The following IGFL2 variants were observed in gnomAD, a reference collection of about 807,000 sequenced individuals.
The protein encoded by IGFL2 is IGF like family member 2.
In IGFL2, 7 loss-of-function variants were observed where a neutral mutation model predicts 13.9. That is an observed-to-expected ratio of 0.51 (90% CI 0.29 to 0.95). The LOEUF is 0.95. Ranked by LOEUF, IGFL2 falls within the 40% of genes least tolerant of loss-of-function variation. IGFL2 has a pLI of 0.08. For missense variants in IGFL2, 138 were observed against 147.8 expected, an observed-to-expected ratio of 0.93 and a Z score of 0.34; for synonymous variants, 55 against 55.8, an observed-to-expected ratio of 0.99 and a Z score of 0.07.
chr19:46,186,598 G>T, the IGFL2 span, among the ~76,000 whole-genome samples: 2 of 152,142 alleles, frequency 1.3e-5, no homozygotes, highest in Non-Finnish European at 2.9e-5. Context: ...ATCACATCCC[G>T]TTTCTCCTAG....
the IGFL2 span, among the ~76,000 whole-genome samples, chr19:46,122,555 A>G: frequency 6.6e-6 from 1 of 151,198 alleles, no homozygotes; most frequent in South Asian, 2.1e-4. Flanking sequence ...TTAGAAAATG[A>G]CAGATTTTTT....
chr19:46,160,958 A>T (rs1974136773), intron 3 of IGFL2, 77 bp downstream of exon 3: 13 of 1,568,940 alleles, frequency 8.3e-6, no homozygotes, highest in Non-Finnish European at 1.1e-5. Context: ...TGTCTTCATC[A>T]CTCCTTTTGA....
chr19:46,120,335 G>C, the IGFL2 span: 1 of 1,610,868 alleles, frequency 6.2e-7, no homozygotes, highest in South Asian at 1.1e-5. Context: ...GGTTTTTATG[G>C]GTACAGGACG....
the IGFL2 span, chr19:46,189,856 A>G: frequency 6.8e-6 from 1 of 147,910 alleles, no homozygotes; most frequent in Non-Finnish European, 1.5e-5. Flanking sequence ...TTCTTATTTT[A>G]TATGTTTTCT....
rs1974131357 is a variant in IGFL2, at chr19:46,160,891, C to T, written c.341+10C>T. The T allele has an allele frequency of 1.9e-6, 3 of 1,612,180 alleles. No homozygotes were observed. The African/African-American group carries it at 4.0e-5, about 22-fold the overall frequency. On this transcript the variant is annotated intron_variant, in intron 3 of 3. Transcript: ENST00000377693. Reference sequence around the variant, plus strand: ...CCAGTAAATGTGAAAGGTAGGGACCCCGTCCCTGGCCAGGGGGTCGGGGGA... The same window carrying T: ...CCAGTAAATGTGAAAGGTAGGGACCTCGTCCCTGGCCAGGGGGTCGGGGGA...
chr19:46,107,134 G>T, the IGFL2 span, among the ~76,000 whole-genome samples: 2,016 of 152,230 alleles, frequency 0.013, 31 homozygotes, highest in Middle Eastern at 0.027. Flanking sequence ...CAGCCTGGCC[G>T]TCAATACCCA....
chr19:46,204,943 A>AT, the IGFL2 span: 65,970 of 141,206 alleles, frequency 0.47, 15,927 homozygotes, highest in Non-Finnish European at 0.56. Flanking sequence ...ACACTCAGGT[A>AT]TTTTTTTTTT....
the IGFL2 span, chr19:46,213,456 GC>G: frequency 6.5e-6 from 1 of 154,242 alleles, no homozygotes; most frequent in Admixed American, 6.5e-5. Context: ...CCGCCCCAGA[GC>G]AATGGCTCCC....
At chr19:46,135,720 G>T in the IGFL2 span, among the ~76,000 whole-genome samples, 1 of 152,186 alleles carries the variant, frequency 6.6e-6, no homozygotes, top group Non-Finnish European at 1.5e-5. Flanking sequence ...TTCCTGGACA[G>T]GCTTGCAGCC....
chr19:46,215,114 A>G, the IGFL2 span, among the ~76,000 whole-genome samples: 1 of 152,084 alleles, frequency 6.6e-6, no homozygotes, highest in Admixed American at 6.5e-5. Context: ...ACACCCTCCT[A>G]GGAGTCACTT....
At chr19:46,154,928 C>A (rs1347510648) in intron 1 of IGFL2, among the ~76,000 whole-genome samples, 1 of 152,168 alleles carries the variant, frequency 6.6e-6, no homozygotes, top group African/African-American at 2.4e-5. Context: ...GCCTCCCTCT[C>A]CCCCGGGCAG....
At chr19:46,082,665 C>T in the IGFL2 span, among the ~76,000 whole-genome samples, 6 of 151,294 alleles carry the variant, frequency 4.0e-5, no homozygotes, top group South Asian at 6.3e-4. Context: ...CACTCTGTCA[C>T]GCAGCTGGAG....
intron 1 of IGFL2, among the ~76,000 whole-genome samples, chr19:46,157,177 C>T (rs11668196): frequency 0.63 from 95,750 of 151,934 alleles, 30,989 homozygotes; most frequent in African/African-American, 0.7. Context: ...ATGGTTGCAC[C>T]TGAGAATCTA....
At chr19:46,214,719 C>T in the IGFL2 span, 2 of 152,410 alleles carry the variant, frequency 1.3e-5, no homozygotes, top group African/African-American at 4.8e-5. Flanking sequence ...TGGGGAGAGT[C>T]CCTGTCTCCT....
At chr19:46,161,440 T>G, downstream of IGFL2, 1 of 216,078 alleles carries the variant, frequency 4.6e-6, no homozygotes, top group Non-Finnish European at 9.2e-6. Context: ...TTAAGTACAC[T>G]ATTATTGTGT....
the IGFL2 span, among the ~76,000 whole-genome samples, chr19:46,130,801 T>C: frequency 8.5e-5 from 13 of 152,200 alleles, no homozygotes; most frequent in African/African-American, 3.1e-4. Flanking sequence ...TGCTTCCTTC[T>C]TATTAATTTA....
At chr19:46,175,838 G>A in the IGFL2 span, among the ~76,000 whole-genome samples, 8 of 119,666 alleles carry the variant, frequency 6.7e-5, no homozygotes, top group African/African-American at 1.6e-4. Context: ...ACCGTGCCTG[G>A]CACTATTTTT....
chr19:46,081,066 A>G, the IGFL2 span, among the ~76,000 whole-genome samples: 2 of 152,108 alleles, frequency 1.3e-5, no homozygotes, highest in Admixed American at 1.3e-4. Context: ...TGATAGTGCA[A>G]CTGTCTGTGT....
At chr19:46,160,976 T>C in intron 3 of IGFL2, 94 bp from the exon 4 acceptor site, 1 of 1,547,164 alleles carries the variant, frequency 6.5e-7, no homozygotes, top group Non-Finnish European at 8.9e-7. Flanking sequence ...TGAAGAGCCC[T>C]GGCCCTGTAG....
Sources: gnomAD v4.1 joint callset for allele counts (sites outside exome capture counted in the v4.1 genomes callset) on GRCh38, gnomAD v4.1.1 for gene constraint, MANE v1.5 for transcripts, NCBI Gene and HGNC (gene_info 2026-07-23, HGNC 2026-07-21) for gene names.